SDK1: variants seen among roughly 807,000 people sequenced by gnomAD.
The protein encoded by SDK1 is protein sidekick-1.
In SDK1, 157 loss-of-function variants were observed where a neutral mutation model predicts 245.5. That is an observed-to-expected ratio of 0.64 (90% CI 0.56 to 0.73). SDK1 has a LOEUF of 0.73. Among genes scored for constraint, SDK1 ranks in the 30% least tolerant of loss-of-function variants. SDK1 has a pLI of 0.00. For missense variants in SDK1, 3,583 were observed against 3,002.3 expected, an observed-to-expected ratio of 1.19 and a Z score of -4.52; for synonymous variants, 1,647 against 1,278.5, an observed-to-expected ratio of 1.29 and a Z score of -6.15.
At chr7:3,799,838 T>G (rs1005959773) in intron 4 of SDK1, among the ~76,000 whole-genome samples, 1 of 152,178 alleles carries the variant, frequency 6.6e-6, no homozygotes, top group African/African-American at 2.4e-5. Context: ...TTGATTTGTA[T>G]GTCTAAATTT....
intron 4 of SDK1, among the ~76,000 whole-genome samples, chr7:3,773,156 T>A (rs1032042553): frequency 3.3e-5 from 5 of 152,226 alleles, no homozygotes; most frequent in African/African-American, 1.2e-4. Context: ...CTCTTCTTTT[T>A]CTAGGACTCC....
At chr7:3,459,688 G>A (rs1780776733) in intron 1 of SDK1, among the ~76,000 whole-genome samples, 1 of 152,140 alleles carries the variant, frequency 6.6e-6, no homozygotes, top group Non-Finnish European at 1.5e-5. Context: ...CATATTGTTG[G>A]GAAGACCTTG....
chr7:4,082,777 C>A (rs1297442387), intron 22 of SDK1, among the ~76,000 whole-genome samples: 2 of 152,012 alleles, frequency 1.3e-5, no homozygotes, highest in African/African-American at 4.8e-5. Flanking sequence ...TGTGCCACCA[C>A]ACCAGCTAAC....
At chr7:4,068,513 G>A (rs903170927) in intron 20 of SDK1, among the ~76,000 whole-genome samples, 1 of 151,996 alleles carries the variant, frequency 6.6e-6, no homozygotes, top group African/African-American at 2.4e-5. Flanking sequence ...TCTGACTCCA[G>A]ATCCCATGTT....
At chr7:3,543,352 G>A (rs981812163) in intron 1 of SDK1, among the ~76,000 whole-genome samples, 2 of 152,242 alleles carry the variant, frequency 1.3e-5, no homozygotes, top group South Asian at 4.1e-4. Flanking sequence ...TCTGTTGCAA[G>A]TGTGAGGATG....
intron 1 of SDK1, among the ~76,000 whole-genome samples, chr7:3,529,508 G>T (rs1327296715): frequency 6.6e-6 from 1 of 152,170 alleles, no homozygotes; most frequent in African/African-American, 2.4e-5. Flanking sequence ...AGTAAATGAT[G>T]GCGATGGATA....
intron 4 of SDK1, among the ~76,000 whole-genome samples, chr7:3,684,862 G>T (rs889507586): frequency 2.0e-5 from 3 of 152,128 alleles, no homozygotes; most frequent in African/African-American, 7.2e-5. Context: ...CATTAGATGG[G>T]CTCAATAGTA....
At chr7:3,514,137 T>G (rs903234105) in intron 1 of SDK1, among the ~76,000 whole-genome samples, 3 of 152,200 alleles carry the variant, frequency 2.0e-5, no homozygotes, top group Non-Finnish European at 4.4e-5. Flanking sequence ...AGGTTATCAG[T>G]GTTTCAGAGC....
At chr7:3,753,221 A>C (rs921209787) in intron 4 of SDK1, among the ~76,000 whole-genome samples, 1 of 152,216 alleles carries the variant, frequency 6.6e-6, no homozygotes, top group Non-Finnish European at 1.5e-5. Flanking sequence ...GAATGTATGG[A>C]AATAAAAATT....
chr7:4,193,109 A>G (rs1414039102), intron 35 of SDK1, among the ~76,000 whole-genome samples: 3 of 135,504 alleles, frequency 2.2e-5, no homozygotes, highest in Middle Eastern at 3.7e-3. Context: ...TAATATAAAT[A>G]TATTAAAATA....
chr7:3,386,137 T>G (rs981844978), intron 1 of SDK1, among the ~76,000 whole-genome samples: 5 of 152,088 alleles, frequency 3.3e-5, no homozygotes, highest in Non-Finnish European at 5.9e-5. Context: ...TTGATAACTT[T>G]AAAAAAAATT....
At chr7:4,204,777 C>T (rs903023207) in intron 35 of SDK1, among the ~76,000 whole-genome samples, 8 of 152,212 alleles carry the variant, frequency 5.3e-5, no homozygotes, top group African/African-American at 1.9e-4. Context: ...CCTGGAGCTC[C>T]CCAGGGCCCA....
chr7:3,630,406 A>G (rs1404816692), intron 2 of SDK1, among the ~76,000 whole-genome samples: 4 of 152,260 alleles, frequency 2.6e-5, no homozygotes, highest in Non-Finnish European at 4.4e-5. Context: ...ATTACAAGAT[A>G]GAAGATCAAC....
intron 1 of SDK1, among the ~76,000 whole-genome samples, chr7:3,340,441 A>G (rs77479115): frequency 0.015 from 2,337 of 152,284 alleles, 54 homozygotes; most frequent in African/African-American, 0.047. Context: ...GTTGTCACTA[A>G]TCTTCAATTT....
intron 1 of SDK1, among the ~76,000 whole-genome samples, chr7:3,576,207 A>G (rs1034460605): frequency 2.0e-5 from 3 of 152,264 alleles, no homozygotes; most frequent in African/African-American, 4.8e-5. Context: ...TAGAATAATA[A>G]TGCTGTGCCA....
chr7:3,657,743 C>T (rs1278759101), intron 4 of SDK1, among the ~76,000 whole-genome samples: 6 of 152,108 alleles, frequency 3.9e-5, no homozygotes, highest in African/African-American at 1.2e-4. Context: ...TGTGGAGGCA[C>T]GTATGTTTTT....
intron 1 of SDK1, among the ~76,000 whole-genome samples, chr7:3,308,922 T>A (rs1779484919): frequency 6.6e-6 from 1 of 151,994 alleles, no homozygotes; most frequent in South Asian, 2.1e-4. Flanking sequence ...ATGACTATGG[T>A]GATTTGGGGA....
At chr7:3,814,893 C>T (rs1257781372) in intron 4 of SDK1, among the ~76,000 whole-genome samples, 3 of 152,064 alleles carry the variant, frequency 2.0e-5, no homozygotes, top group African/African-American at 7.2e-5. Context: ...TGGGAGTTCA[C>T]TCATGATTTG....
In SDK1 at chr7:3,515,225, A is replaced by G. The variant is rs151281774; in HGVS notation, c.299-103855A>G. Among the ~76,000 whole-genome samples the G allele has an allele frequency of 4.6e-5, 7 of 152,286 alleles. No individual in the cohort carries two copies. In the East Asian group the frequency reaches 1.2e-3, roughly 25 times the overall value. On this transcript the variant is annotated intron_variant, in intron 1 of 44. Transcript: ENST00000404826. ...GCAACTGAATACTGACTCTGAGCCC[A>G]TTGTGACCCTGCTGAGAGAACACCT...
Sources: allele counts gnomAD v4.1 joint callset (sites outside exome capture counted in the v4.1 genomes callset), GRCh38; gene constraint gnomAD v4.1.1; transcripts MANE v1.5; gene names NCBI Gene and HGNC (gene_info 2026-07-23, HGNC 2026-07-21).